NFATC3: variants seen among roughly 807,000 people sequenced by gnomAD.
NFATC3 encodes the protein nuclear factor of activated T-cells, cytoplasmic 3.
A neutral mutation model predicts 98.6 loss-of-function variants in NFATC3; 46 were observed. That is an observed-to-expected ratio of 0.47 (90% CI 0.37 to 0.60). NFATC3 has a LOEUF of 0.60. NFATC3 is among the 20% of genes least tolerant of loss of function. The pLI is 0.00. For missense variants in NFATC3, 1,256 were observed against 1,295.5 expected, an observed-to-expected ratio of 0.97 and a Z score of 0.47; for synonymous variants, 512 against 472.2, an observed-to-expected ratio of 1.08 and a Z score of -1.09.
chr16:68,206,955 C>T (rs777837740), intron 9 of NFATC3, among the ~76,000 whole-genome samples: 2 of 150,790 alleles, frequency 1.3e-5, no homozygotes, highest in African/African-American at 2.4e-5. Flanking sequence ...GCACTCCAAC[C>T]CGGGCAACAG....
Position 68,174,429 on chromosome 16 carries a change from T to C in NFATC3, c.1830T>C (p.Cys610=), listed in dbSNP as rs752360715. Residue 610 remains cysteine, a synonymous_variant, in exon 6 of 10, where the codon TGT becomes TGC. Coordinates refer to ENST00000346183, the MANE Select transcript of NFATC3 (RefSeq NM_173165.3). ...TTGAGAAGTACAGTATCAACAGTTG[T>C]TCTGTAAATGGAGGTCATGAAATGG... is the stretch of plus-strand genomic sequence containing the variant. ...PHIEKYSINS[C]SVNGGHEMVV... The C allele has an allele frequency of 1.2e-6, 2 of 1,605,322 alleles. No individual in the cohort carries two copies. Among genetic ancestry groups the C allele is most frequent in the South Asian group, 1.1e-5 (1 of 88,856 alleles).
At chr16:68,157,813 T>G in intron 3 of NFATC3, 56 bp from the exon 4 acceptor site, 1 of 1,405,398 alleles carries the variant, frequency 7.1e-7, no homozygotes, top group Non-Finnish European at 9.9e-7. Flanking sequence ...TGTTGGCATA[T>G]TGTAAAATGC....
At chr16:68,192,435 C>T (rs960263681) in intron 9 of NFATC3, among the ~76,000 whole-genome samples, 11 of 150,974 alleles carry the variant, frequency 7.3e-5, no homozygotes, top group African/African-American at 2.4e-4. Flanking sequence ...GAGATCTTTT[C>T]TTCCAGAATA....
chr16:68,115,863 T>A (rs1006956337), intron 1 of NFATC3, among the ~76,000 whole-genome samples: 1 of 152,224 alleles, frequency 6.6e-6, no homozygotes, highest in South Asian at 2.1e-4. Context: ...TTGATAACAG[T>A]ATAACCACAC....
At chr16:68,174,637 C>T (rs1304254849) in intron 6 of NFATC3, 123 bp downstream of exon 6, 2 of 726,258 alleles carry the variant, frequency 2.8e-6, no homozygotes, top group African/African-American at 1.8e-5. Flanking sequence ...TCATTTTGCA[C>T]TTGATTTTAT....
chr16:68,088,086 C>T (rs927323628), intron 1 of NFATC3, among the ~76,000 whole-genome samples: 8 of 151,892 alleles, frequency 5.3e-5, no homozygotes, highest in Non-Finnish European at 1.2e-4. Flanking sequence ...TTTGAAGGAA[C>T]AAAGTGGATT....
intron 2 of NFATC3, among the ~76,000 whole-genome samples, chr16:68,125,200 T>G (rs1424253233): frequency 6.6e-6 from 1 of 152,110 alleles, no homozygotes; most frequent in Non-Finnish European, 1.5e-5. Context: ...TAACTGAGAG[T>G]TGAAGTTGGA....
chr16:68,116,166 T>C (rs764883111), intron 1 of NFATC3, among the ~76,000 whole-genome samples: 3 of 152,112 alleles, frequency 2.0e-5, no homozygotes, highest in Admixed American at 6.5e-5. Context: ...AGAATTTGAA[T>C]CATAACTTTT....
At chr16:68,116,841 A>G (rs1282187895) in intron 1 of NFATC3, among the ~76,000 whole-genome samples, 2 of 151,662 alleles carry the variant, frequency 1.3e-5, no homozygotes, top group African/African-American at 4.8e-5. Context: ...GATTTAATTA[A>G]TTTTTCCTAT....
chr16:68,158,192 CATT>C, intron 4 of NFATC3, 124 bp downstream of exon 4: 1 of 621,838 alleles, frequency 1.6e-6, no homozygotes, highest in Non-Finnish European at 2.6e-6. Context: ...AAATAATGTA[CATT>C]TAGTACATTT....
Position 68,164,337 on chromosome 16 carries a change from A to G in NFATC3, c.1602-2506A>G, listed in dbSNP as rs1024243628. Among the ~76,000 whole-genome samples the G allele has an allele frequency of 2.0e-5, 3 of 152,072 alleles. No homozygotes were observed. In the East Asian group the frequency reaches 5.8e-4, roughly 30 times the overall value. On this transcript the variant is annotated intron_variant, in intron 4 of 9. Coordinates refer to ENST00000346183, the MANE Select transcript of NFATC3 (RefSeq NM_173165.3). ...GGAGGTTGCAGTGAGCCGAGATGGC[A>G]GCAGTACAGTCCAGCTTCGGCTCGG...
At chr16:68,105,150 G>A (rs989132625) in intron 1 of NFATC3, among the ~76,000 whole-genome samples, 1 of 149,456 alleles carries the variant, frequency 6.7e-6, no homozygotes, top group Non-Finnish European at 1.5e-5. Context: ...GAGTACACTG[G>A]TATGATCTTG....
At chr16:68,206,279 A>G (rs1169502289) in intron 9 of NFATC3, among the ~76,000 whole-genome samples, 1 of 152,228 alleles carries the variant, frequency 6.6e-6, no homozygotes, top group Admixed American at 6.5e-5. Context: ...AATCATTTTA[A>G]GTGTATAGCT....
chr16:68,101,779 G>A (rs541612522), intron 1 of NFATC3, among the ~76,000 whole-genome samples: 3 of 152,024 alleles, frequency 2.0e-5, no homozygotes, highest in South Asian at 4.2e-4. Context: ...CACCGCACCC[G>A]GTCCCAAAGT....
rs367576376 is a variant in NFATC3, at chr16:68,157,982, A to G, written c.1515A>G (p.Thr505=). 8.1e-6 allele frequency: 13 copies of G among 1,614,112 alleles called. No individual in the cohort carries two copies. The African/African-American group carries it at 1.3e-4, about 17-fold the overall frequency. The stretch of plus-strand genomic sequence containing the variant: ...AGGTGCATCGAATCACTGGGAAGAC[A>G]GTCGCTACTGCAAGCCAAGAGATAA... The part of the protein sequence containing the change: ...FYQVHRITGK[T]VATASQEIII... Residue 505 remains threonine (T), a synonymous_variant, in exon 4 of 10, where the codon ACA becomes ACG. Transcript: ENST00000346183.
At chr16:68,098,300 A>ATTATT (rs1461722980) in intron 1 of NFATC3, among the ~76,000 whole-genome samples, 2 of 94,340 alleles carry the variant, frequency 2.1e-5, no homozygotes, top group Non-Finnish European at 3.9e-5. Context: ...TATTATTATT[A>ATTATT]TTTTTTTTTT....
chr16:68,174,287 T>A (rs2039592615), intron 5 of NFATC3, 87 bp from the exon 6 acceptor site: 1 of 1,116,874 alleles, frequency 9.0e-7, no homozygotes. Context: ...TTATTTTCTT[T>A]TTGTAGCTTG....
chr16:68,156,706 G>A (rs138907934), intron 3 of NFATC3, among the ~76,000 whole-genome samples: 7,469 of 152,188 alleles, frequency 0.049, 528 homozygotes, highest in African/African-American at 0.16. Context: ...TTGGGAGGTC[G>A]AGGCGGGCAG....
intron 1 of NFATC3, among the ~76,000 whole-genome samples, chr16:68,093,791 A>G (rs2034858669): frequency 6.6e-6 from 1 of 152,126 alleles, no homozygotes; most frequent in African/African-American, 2.4e-5. Context: ...TCTGACCTCA[A>G]ATTTTGGGCC....
Sources: gnomAD v4.1 joint callset for allele counts (sites outside exome capture counted in the v4.1 genomes callset) on GRCh38, gnomAD v4.1.1 for gene constraint, MANE v1.5 for transcripts, NCBI Gene and HGNC (gene_info 2026-07-23, HGNC 2026-07-21) for gene names.